Variants in KCNT2 observed in about 807,000 individuals in gnomAD.
The protein encoded by KCNT2 is potassium channel subfamily T member 2.
In KCNT2, 67 loss-of-function variants were observed where a neutral mutation model predicts 153.8. That is an observed-to-expected ratio of 0.44 (90% confidence interval 0.36 to 0.53). KCNT2 has a LOEUF of 0.53. KCNT2 is among the 20% of genes least tolerant of loss of function. KCNT2 has a pLI of 0.00. For synonymous variants in KCNT2, 500 were observed against 458.8 expected, an observed-to-expected ratio of 1.09 and a Z score of -1.15; for missense variants, 975 against 1,354.8, an observed-to-expected ratio of 0.72 and a Z score of 4.40.
intron 14 of KCNT2, among the ~76,000 whole-genome samples, chr1:196,358,508 A>C (rs1010888259): frequency 1.3e-5 from 2 of 152,038 alleles, no homozygotes; most frequent in African/African-American, 4.8e-5. Flanking sequence ...ATTCCTTTGA[A>C]TAATCATCAC....
chr1:196,340,215 T>C, intron 16 of KCNT2, 126 bp downstream of exon 16: 1 of 623,514 alleles, frequency 1.6e-6, no homozygotes, highest in East Asian at 2.9e-5. Flanking sequence ...TCATACCTAG[T>C]TTGTAAAATG....
At chr1:196,286,189 T>G (rs1387527710) in intron 22 of KCNT2, among the ~76,000 whole-genome samples, 1 of 152,016 alleles carries the variant, frequency 6.6e-6, no homozygotes, top group African/African-American at 2.4e-5. Flanking sequence ...GGTCTGAATG[T>G]TTGTGTCCCC....
intron 1 of KCNT2, among the ~76,000 whole-genome samples, chr1:196,599,739 T>C (rs886360187): frequency 6.6e-6 from 1 of 152,242 alleles, no homozygotes; most frequent in African/African-American, 2.4e-5. Flanking sequence ...CCTTCACTGC[T>C]TCTATTTCTC....
At chr1:196,291,503 G>T (rs958402439) in intron 22 of KCNT2, among the ~76,000 whole-genome samples, 1 of 151,850 alleles carries the variant, frequency 6.6e-6, no homozygotes, top group Non-Finnish European at 1.5e-5. Flanking sequence ...TTAATTTTAT[G>T]AATTGCACTT....
At chr1:196,527,642 T>C (rs2148839536) in intron 1 of KCNT2, among the ~76,000 whole-genome samples, 1 of 152,298 alleles carries the variant, frequency 6.6e-6, no homozygotes, top group East Asian at 1.9e-4. Context: ...TCTTGAAAGT[T>C]GCATATATTT....
intron 1 of KCNT2, among the ~76,000 whole-genome samples, chr1:196,559,494 C>T (rs1039408425): frequency 6.6e-6 from 1 of 151,636 alleles, no homozygotes; most frequent in Non-Finnish European, 1.5e-5. Flanking sequence ...AGTGGAGTTA[C>T]TTGGTCAAAG....
chr1:196,539,494 A>C (rs967981185), intron 1 of KCNT2, among the ~76,000 whole-genome samples: 2 of 152,186 alleles, frequency 1.3e-5, no homozygotes, highest in Non-Finnish European at 2.9e-5. Flanking sequence ...AAGCCCAAAT[A>C]ATGTTTTTAA....
At chr1:196,469,681 A>G (rs916086963) in intron 5 of KCNT2, among the ~76,000 whole-genome samples, 1 of 152,192 alleles carries the variant, frequency 6.6e-6, no homozygotes, top group Non-Finnish European at 1.5e-5. Context: ...GTAACATTAG[A>G]ACATTCAACT....
chr1:196,308,038 A>C (rs905082850), intron 21 of KCNT2, among the ~76,000 whole-genome samples: 2 of 152,218 alleles, frequency 1.3e-5, no homozygotes, highest in South Asian at 4.1e-4. Context: ...AAAATAGGAC[A>C]AAAATGAATC....
intron 26 of KCNT2, among the ~76,000 whole-genome samples, chr1:196,249,881 G>A (rs1655799122): frequency 6.6e-6 from 1 of 151,780 alleles, no homozygotes; most frequent in East Asian, 1.9e-4. Context: ...AAATACCTAG[G>A]AACTAACTTA....
At chr1:196,349,670 TTTTTA>T (rs1424136347) in intron 14 of KCNT2, among the ~76,000 whole-genome samples, 1 of 151,796 alleles carries the variant, frequency 6.6e-6, no homozygotes, top group African/African-American at 2.4e-5. Flanking sequence ...AGGTCAAACC[TTTTTA>T]TTTTATTTTT....
intron 1 of KCNT2, among the ~76,000 whole-genome samples, chr1:196,592,859 AAAAT>A (rs1406075365): frequency 3.3e-5 from 5 of 149,538 alleles, no homozygotes; most frequent in Middle Eastern, 3.5e-3. Context: ...TATAAAATAA[AAAAT>A]AATTTCTATT....
chr1:196,306,055 T>C (rs1434649136), intron 21 of KCNT2, among the ~76,000 whole-genome samples: 1 of 152,076 alleles, frequency 6.6e-6, no homozygotes, highest in African/African-American at 2.4e-5. Flanking sequence ...AGGGGCAGGA[T>C]GATACCACAA....
intron 22 of KCNT2, 37 bp downstream of exon 22, chr1:196,305,197 G>A (rs1424755762): frequency 5.2e-6 from 6 of 1,160,864 alleles, no homozygotes; most frequent in South Asian, 1.2e-5. Flanking sequence ...GAATAAAGAT[G>A]GTTAAATCTA....
At chr1:196,317,341 C>T (rs968304374) in intron 20 of KCNT2, 1 of 398,494 alleles carries the variant, frequency 2.5e-6, no homozygotes, top group Non-Finnish European at 5.1e-6. Context: ...CATCCAACCA[C>T]TATGATGACC....
At chr1:196,434,017 C>T (rs1032465086) in intron 8 of KCNT2, among the ~76,000 whole-genome samples, 1 of 152,072 alleles carries the variant, frequency 6.6e-6, no homozygotes, top group African/African-American at 2.4e-5. Flanking sequence ...CAAAATCGCC[C>T]TCGTTTTATG....
In KCNT2 at chr1:196,409,607, ACAT is replaced by A. The variant is rs1170462514; in HGVS notation, c.1186-10939_1186-10937del. Among the ~76,000 whole-genome samples, 5 of 151,676 alleles carry A rather than the reference ACAT, an allele frequency of 3.3e-5. No individual in the cohort carries two copies. The Admixed American group carries it at 3.3e-4, about 10-fold the overall frequency. ...TCATGTGAATCCAGAGTGTCACAAC[ACAT>A]CATTTCTATTTGCTAAAGAACTTTC... On this transcript the variant is annotated intron_variant, in intron 12 of 27. Transcript: ENST00000294725.
chr1:196,435,561 A>G (rs1195762567), intron 8 of KCNT2, among the ~76,000 whole-genome samples: 2 of 151,666 alleles, frequency 1.3e-5, no homozygotes, highest in Admixed American at 6.6e-5. Context: ...TGAAATGTCT[A>G]TGTCAATAAC....
rs1037254896 is a variant in KCNT2, at chr1:196,411,962, G to A, written c.1185+11088C>T. Reference sequence around the variant, plus strand: ...AATATATTTTTAAGTTCTTTATTCTGCTAATGTGTTTATCACAGTTATTTA... The same window carrying A: ...AATATATTTTTAAGTTCTTTATTCTACTAATGTGTTTATCACAGTTATTTA... On this transcript the variant is annotated intron_variant, in intron 12 of 27. Coordinates refer to ENST00000294725, the MANE Select transcript of KCNT2 (RefSeq NM_198503.5). Among the ~76,000 whole-genome samples, 5 of 151,760 alleles carry A rather than the reference G, an allele frequency of 3.3e-5. No individual in the cohort carries two copies. The East Asian group carries it at 7.8e-4, about 24-fold the overall frequency.
Sources: allele counts gnomAD v4.1 joint callset (sites outside exome capture counted in the v4.1 genomes callset), GRCh38; gene constraint gnomAD v4.1.1; transcripts MANE v1.5; gene names NCBI Gene and HGNC (gene_info 2026-07-23, HGNC 2026-07-21).